NKAIN3: variants seen among roughly 807,000 people sequenced by gnomAD.
NKAIN3 encodes the protein sodium/potassium-transporting ATPase subunit beta-1-interacting protein 3.
Under a neutral mutation model 30.2 loss-of-function variants are expected in NKAIN3, and 25 were observed. That is an observed-to-expected ratio of 0.83 (90% CI 0.60 to 1.16). The LOEUF (loss-of-function observed/expected upper bound fraction) is 1.16. NKAIN3 is among the 50% of genes most tolerant of loss of function. The probability of loss-of-function intolerance (pLI) is 0.00; values close to 1 mark genes in which losing one functional copy is unlikely to be tolerated. For missense variants in NKAIN3, 225 were observed against 254.1 expected (o/e 0.89, Z 0.78); for synonymous variants, 91 against 89.6 (o/e 1.02, Z -0.09).
chr8:62,378,191 C>A (rs1040981074), intron 1 of NKAIN3, among the ~76,000 whole-genome samples: 1 of 152,206 alleles, frequency 6.6e-6, no homozygotes, highest in Non-Finnish European at 1.5e-5. Flanking sequence ...AAGAGACTGG[C>A]AGCATTTTGC....
At chr8:62,697,582 G>T (rs1313989449) in intron 3 of NKAIN3, among the ~76,000 whole-genome samples, 1 of 151,792 alleles carries the variant, frequency 6.6e-6, no homozygotes, top group Non-Finnish European at 1.5e-5. Context: ...GTTTGTTTTT[G>T]TTGTTTCTCC....
At chr8:62,562,838 G>A (rs1426031141) in intron 1 of NKAIN3, among the ~76,000 whole-genome samples, 1 of 152,112 alleles carries the variant, frequency 6.6e-6, no homozygotes, top group African/African-American at 2.4e-5. Context: ...GTACTTTAAA[G>A]AGACTTTTTA....
intron 4 of NKAIN3, among the ~76,000 whole-genome samples, chr8:62,818,414 G>A (rs1302861492): frequency 6.6e-6 from 1 of 152,120 alleles, no homozygotes; most frequent in African/African-American, 2.4e-5. Flanking sequence ...AAAAACAAAT[G>A]ATATGCCATA....
At chr8:62,571,276 C>T (rs1284767278) in intron 1 of NKAIN3, among the ~76,000 whole-genome samples, 3 of 152,050 alleles carry the variant, frequency 2.0e-5, no homozygotes, top group African/African-American at 7.2e-5. Flanking sequence ...GCTGGGACTA[C>T]AGGCAAGAGC....
Position 62,965,988 on chromosome 8 carries a change from T to G in NKAIN3, c.*581T>G, listed in dbSNP as rs1350344532. On this transcript the variant is annotated 3_prime_UTR_variant, in exon 7 of 7. Coordinates refer to ENST00000623646, the MANE Select transcript of NKAIN3 (RefSeq NM_001304533.3). ...CCTGACTTCTTAAAACCCAGAACGA[T>G]ATTATGGCAATCTAAATTTTCAGAT... 1.0e-6 allele frequency: 1 copy of G among 984,812 alleles called. No homozygotes were observed. The highest frequency in any genetic ancestry group is 1.1e-4 in the East Asian group (1 of 8,830). 61.0% of individuals were successfully genotyped at this position (984,812 alleles called of 1,614,324 possible).
intron 3 of NKAIN3, among the ~76,000 whole-genome samples, chr8:62,739,173 T>C (rs946147744): frequency 6.6e-6 from 1 of 152,074 alleles, no homozygotes. Flanking sequence ...GATGATGAGT[T>C]GATGGGTGCA....
intron 1 of NKAIN3, among the ~76,000 whole-genome samples, chr8:62,323,616 G>T (rs1815015018): frequency 6.6e-6 from 1 of 152,020 alleles, no homozygotes; most frequent in Non-Finnish European, 1.5e-5. Context: ...TATTATCAGG[G>T]ATATGTGCAT....
At chr8:62,666,136 C>T (rs920562547) in intron 3 of NKAIN3, among the ~76,000 whole-genome samples, 7 of 152,042 alleles carry the variant, frequency 4.6e-5, no homozygotes, top group Non-Finnish European at 1.0e-4. Flanking sequence ...TTGCTTGAAC[C>T]CAGAAGGCAG....
rs116839650 is a variant in NKAIN3 at position 62,920,897 on chromosome 8, A to G, written c.532+2384A>G. On this transcript the variant is annotated intron_variant, in intron 5 of 6. Coordinates refer to ENST00000623646, the MANE Select transcript of NKAIN3 (RefSeq NM_001304533.3). ...ATGATAATGGAAAGCAGTCACAAAT[A>G]TTTGATAGTTCTCAAATGAGGGTAA... 3.5e-3 allele frequency among the ~76,000 whole-genome samples: 538 copies of G among 152,322 alleles called. 4 individuals are homozygous for G. The highest frequency in any genetic ancestry group is 0.013 in the African/African-American group (520 of 41,570).
intron 3 of NKAIN3, among the ~76,000 whole-genome samples, chr8:62,653,230 G>A (rs1210012031): frequency 6.6e-6 from 1 of 152,194 alleles, no homozygotes. Context: ...AGATTCTGGT[G>A]AGGCCCCTCT....
chr8:62,251,795 C>A (rs1244863034), intron 1 of NKAIN3, among the ~76,000 whole-genome samples: 1 of 152,150 alleles, frequency 6.6e-6, no homozygotes, highest in East Asian at 1.9e-4. Context: ...GGTGTAAATA[C>A]TCCCATCACG....
At chr8:62,396,516 G>C (rs1455494358) in intron 1 of NKAIN3, among the ~76,000 whole-genome samples, 1 of 152,114 alleles carries the variant, frequency 6.6e-6, no homozygotes, top group African/African-American at 2.4e-5. Flanking sequence ...TATTTCCTGG[G>C]CACTCCATAG....
At chr8:62,964,933 A>G (rs1430608721) in intron 6 of NKAIN3, among the ~76,000 whole-genome samples, 1 of 152,212 alleles carries the variant, frequency 6.6e-6, no homozygotes, top group Non-Finnish European at 1.5e-5. Flanking sequence ...TGTAAGGAAC[A>G]TAAGTCAATG....
At chr8:62,574,945 A>C (rs1161817902) in intron 1 of NKAIN3, among the ~76,000 whole-genome samples, 1 of 152,134 alleles carries the variant, frequency 6.6e-6, no homozygotes, top group African/African-American at 2.4e-5. Context: ...CCTTTAAAAA[A>C]AAAACTGGGT....
chr8:62,573,090 C>A (rs1809998503), intron 1 of NKAIN3, among the ~76,000 whole-genome samples: 1 of 152,104 alleles, frequency 6.6e-6, no homozygotes, highest in Non-Finnish European at 1.5e-5. Flanking sequence ...CCTGACTCTG[C>A]AGGAAGAATT....
intron 1 of NKAIN3, among the ~76,000 whole-genome samples, chr8:62,270,472 A>G (rs891085414): frequency 6.6e-6 from 1 of 152,102 alleles, no homozygotes; most frequent in African/African-American, 2.4e-5. Context: ...AGTTGTATAT[A>G]TTTATGAAGA....
At chr8:62,741,430 A>AG (rs1563540872) in intron 3 of NKAIN3, among the ~76,000 whole-genome samples, 1 of 147,110 alleles carries the variant, frequency 6.8e-6, no homozygotes, top group African/African-American at 2.6e-5. Context: ...AAGGCAGGCA[A>AG]GCAAGCAAGC....
At chr8:62,952,308 T>A (rs1823305976) in intron 5 of NKAIN3, among the ~76,000 whole-genome samples, 1 of 152,098 alleles carries the variant, frequency 6.6e-6, no homozygotes, top group South Asian at 2.1e-4. Context: ...GAAGCAGAAC[T>A]GTATTTGGAA....
chr8:62,646,984 C>A (rs1311924405), intron 3 of NKAIN3, among the ~76,000 whole-genome samples: 2 of 152,074 alleles, frequency 1.3e-5, no homozygotes, highest in Non-Finnish European at 2.9e-5. Flanking sequence ...TGGATGAGTT[C>A]TTAATTTACT....
Sources: allele counts gnomAD v4.1 joint callset (sites outside exome capture counted in the v4.1 genomes callset), GRCh38; gene constraint gnomAD v4.1.1; transcripts MANE v1.5; gene names NCBI Gene and HGNC (gene_info 2026-07-23, HGNC 2026-07-21).